The following CNMD variants were observed in gnomAD, a reference collection of about 807,000 sequenced individuals.
The protein encoded by CNMD is chondromodulin, also known as leukocyte cell-derived chemotaxin 1.
A neutral mutation model predicts 37.5 loss-of-function variants in CNMD; 30 were observed. The observed-to-expected ratio is 0.80, with a 90% CI of 0.60 to 1.09. CNMD has a LOEUF of 1.09. Among genes scored for constraint, CNMD ranks in the 50% least tolerant of loss-of-function variants. The probability of loss-of-function intolerance (pLI) is 0.00; values close to 1 mark genes in which losing one functional copy is unlikely to be tolerated. For missense variants in CNMD, 398 were observed against 423.9 expected, an observed-to-expected ratio of 0.94 and a Z score of 0.54; for synonymous variants, 167 against 148.2, an observed-to-expected ratio of 1.13 and a Z score of -0.92.
chr13:52,714,380 T>C (rs1378932016), intron 4 of CNMD, among the ~76,000 whole-genome samples: 1 of 152,184 alleles, frequency 6.6e-6, no homozygotes, highest in Non-Finnish European at 1.5e-5. Flanking sequence ...GCCAAACATA[T>C]TCCTAATTCA....
intron 4 of CNMD, among the ~76,000 whole-genome samples, chr13:52,718,334 A>G (rs866223878): frequency 2.6e-5 from 4 of 151,444 alleles, no homozygotes; most frequent in African/African-American, 9.7e-5. Context: ...TCATGTCTCT[A>G]TCTCCTTCAG....
At chr13:52,733,411 G>A in intron 2 of CNMD, 52 bp from the exon 3 acceptor site, 1 of 1,573,192 alleles carries the variant, frequency 6.4e-7, no homozygotes, top group Non-Finnish European at 8.7e-7. Context: ...GCAATTCAGG[G>A]CTTATCTTTA....
At chr13:52,710,285 T>G (rs1489607207) in intron 5 of CNMD, among the ~76,000 whole-genome samples, 1 of 152,232 alleles carries the variant, frequency 6.6e-6, no homozygotes, top group Non-Finnish European at 1.5e-5. Flanking sequence ...TTCTTTTAAC[T>G]AACTAAATGA....
chr13:52,720,841 A>T (rs1414220790), intron 4 of CNMD, among the ~76,000 whole-genome samples: 1 of 152,056 alleles, frequency 6.6e-6, no homozygotes, highest in Non-Finnish European at 1.5e-5. Flanking sequence ...GTGCTGGGAG[A>T]TCCACTGCTC....
At chr13:52,733,148 C>T (rs754030435) in intron 3 of CNMD, 71 bp downstream of exon 3, 19 of 1,506,512 alleles carry the variant, frequency 1.3e-5, no homozygotes, top group Non-Finnish European at 1.6e-5. Context: ...AGAAACGCTG[C>T]TCCTCCTTGA....
At chr13:52,707,416 C>T (rs533154064) in intron 6 of CNMD, among the ~76,000 whole-genome samples, 92 of 148,118 alleles carry the variant, frequency 6.2e-4, no homozygotes, top group Non-Finnish European at 9.5e-4. Context: ...GATGACACCT[C>T]GTGTCATCCT....
In CNMD at chr13:52,739,748, T is replaced by G; in HGVS notation, c.-47A>C. On this transcript the variant is annotated 5_prime_UTR_variant, in exon 1 of 7. Coordinates refer to ENST00000377962, the MANE Select transcript of CNMD (RefSeq NM_007015.3). The surrounding 1 kb of genome is among the most constrained non-coding windows in gnomAD (Gnocchi z 5.4). ...GCACTTGGAGACTCCCTGGGCACCCTGGGATCTGTCCCGCTGCCCCGACGT... is the reference window on the plus strand; with the variant it reads ...GCACTTGGAGACTCCCTGGGCACCCGGGGATCTGTCCCGCTGCCCCGACGT... 1 of 1,508,356 alleles carries G rather than the reference T, an allele frequency of 6.6e-7. No homozygotes were observed. Among genetic ancestry groups the G allele is most frequent in the Non-Finnish European group, 9.2e-7 (1 of 1,084,648 alleles). The allele number at this position is 1,508,356 out of a possible 1,614,324, so 93.4% of individuals were successfully genotyped here. A position where few individuals can be genotyped will look rare whatever the true frequency, so the allele number is the denominator to read the frequency against.
Position 52,739,184 on chromosome 13 carries a change from G to A in CNMD, c.73-13C>T. The A allele has an allele frequency of 6.8e-7, 1 of 1,467,110 alleles. No individual in the cohort carries two copies. The highest frequency in any genetic ancestry group is 1.5e-5 in the South Asian group (1 of 68,606). 90.9% of individuals were successfully genotyped at this position (1,467,110 alleles called of 1,614,324 possible). A position where few individuals can be genotyped will look rare whatever the true frequency, so the allele number is the denominator to read the frequency against. On this transcript the variant is annotated splice_polypyrimidine_tract_variant and intron_variant, in intron 1 of 6. Coordinates refer to ENST00000377962, the MANE Select transcript of CNMD (RefSeq NM_007015.3). The surrounding 1 kb of genome is among the most constrained non-coding windows in gnomAD (Gnocchi z 5.4). ...GCGTAGCGTACGCCTGCGGGCCGGGGCGGGAGAGGGACCGTCGCGTTTGTG... is the reference window on the plus strand; with the variant it reads ...GCGTAGCGTACGCCTGCGGGCCGGGACGGGAGAGGGACCGTCGCGTTTGTG...
At chr13:52,710,500 T>G (rs1168595933) in intron 5 of CNMD, among the ~76,000 whole-genome samples, 5 of 152,216 alleles carry the variant, frequency 3.3e-5, no homozygotes, top group African/African-American at 1.2e-4. Flanking sequence ...CCCGTGTCTC[T>G]GATAATACAG....
chr13:52,731,932 T>C lies in CNMD; in HGVS notation c.354+1287A>G, dbSNP rs114909668. ...TATACTTGTGCATTGAGCAGAATCA[T>C]CTGCAAAGCTATGACTAAACAAAGT... On this transcript the variant is annotated intron_variant, in intron 3 of 6. Transcript: ENST00000377962. 4.4e-3 allele frequency among the ~76,000 whole-genome samples: 665 copies of C among 152,358 alleles called. 5 individuals carry two copies. The highest frequency in any genetic ancestry group is 0.015 in the African/African-American group (628 of 41,582).
At chr13:52,738,789 C>G (rs1007110767) in intron 2 of CNMD, among the ~76,000 whole-genome samples, 2 of 152,170 alleles carry the variant, frequency 1.3e-5, no homozygotes, top group Non-Finnish European at 2.9e-5. Flanking sequence ...TTTCTCGGAC[C>G]GTCCACTACA....
At chr13:52,736,121 G>A (rs1406030558) in intron 2 of CNMD, among the ~76,000 whole-genome samples, 2 of 152,258 alleles carry the variant, frequency 1.3e-5, no homozygotes, top group East Asian at 3.9e-4. Context: ...AGCCTCCCAG[G>A]TAGCTGGGAC....
chr13:52,733,002 C>A, intron 3 of CNMD: 1 of 567,664 alleles, frequency 1.8e-6, no homozygotes, highest in Non-Finnish European at 3.1e-6. Context: ...TGGTATTTTA[C>A]AACTGAAGTG....
intron 5 of CNMD, among the ~76,000 whole-genome samples, chr13:52,712,344 C>T (rs1192345903): frequency 3.3e-5 from 5 of 152,110 alleles, no homozygotes; most frequent in South Asian, 2.1e-4. Context: ...GGCGGTATGA[C>T]AGTTTCTTAG....
At chr13:52,717,111 GTGAA>G (rs750668277) in intron 4 of CNMD, among the ~76,000 whole-genome samples, 1 of 152,152 alleles carries the variant, frequency 6.6e-6, no homozygotes, top group Non-Finnish European at 1.5e-5. Context: ...TTTAGCAACT[GTGAA>G]TGAGAGTTCC....
chr13:52,736,273 C>T (rs777785115), intron 2 of CNMD, among the ~76,000 whole-genome samples: 3 of 152,224 alleles, frequency 2.0e-5, no homozygotes, highest in Non-Finnish European at 2.9e-5. Flanking sequence ...GGATTACAGG[C>T]GTGAGCCACC....
At chr13:52,738,547 A>T (rs1043781089) in intron 2 of CNMD, among the ~76,000 whole-genome samples, 1 of 152,158 alleles carries the variant, frequency 6.6e-6, no homozygotes, top group African/African-American at 2.4e-5. Context: ...GGTCACAAAA[A>T]AACCTTCTGA....
intron 4 of CNMD, among the ~76,000 whole-genome samples, chr13:52,721,699 A>C (rs1355775931): frequency 6.6e-6 from 1 of 152,140 alleles, no homozygotes; most frequent in Non-Finnish European, 1.5e-5. Context: ...TTCTGTGTTG[A>C]TCTCACTGGG....
In CNMD at chr13:52,739,161, G is replaced by T. The variant is rs780635643; in HGVS notation, c.83C>A (p.Thr28Lys). ...VEFCSPPAYATLTVKPSSPAR... is the reference protein window; with the variant it reads ...VEFCSPPAYAKLTVKPSSPAR... ...GGGGCTGGAGGGCTTCACCGTCAGC[G>T]TAGCGTACGCCTGCGGGCCGGGGCG... The change falls in exon 2 of 7, where the codon ACG (threonine) becomes AAG (lysine). Residue 28 changes from threonine (T) to lysine (K), a missense_variant. By Grantham distance (78) the Thr-to-Lys change is moderately conservative. Coordinates refer to ENST00000377962, the MANE Select transcript of CNMD (RefSeq NM_007015.3). This position sits in a 1 kb window ranked among gnomAD's most constrained non-coding sequence, Gnocchi z 5.4. 4 of 1,510,140 alleles carry T rather than the reference G, an allele frequency of 2.6e-6. No homozygotes were observed. Among genetic ancestry groups the T allele is most frequent in the South Asian group, 1.3e-5 (1 of 77,520 alleles). The allele number at this position is 1,510,140 out of a possible 1,614,324, so 93.5% of individuals were successfully genotyped here.
Sources: gnomAD v4.1 joint callset for allele counts (sites outside exome capture counted in the v4.1 genomes callset) on GRCh38, gnomAD v4.1.1 for gene constraint, Gnocchi (gnomAD v3.1) non-coding constraint, MANE v1.5 for transcripts, NCBI Gene and HGNC (gene_info 2026-07-23, HGNC 2026-07-21) for gene names.